Variants in SIK2 observed in about 807,000 individuals in gnomAD.
The protein encoded by SIK2 is serine/threonine-protein kinase SIK2.
SIK2 carries 29 observed loss-of-function variants against 103.2 expected under a neutral mutation model. The ratio of observed to expected loss-of-function variants is 0.28; its 90% CI spans 0.21 to 0.38. SIK2 has a LOEUF of 0.38. Among genes scored for constraint, SIK2 ranks in the 10% least tolerant of loss-of-function variants. SIK2 has a pLI of 1.00. For synonymous variants in SIK2, 412 were observed against 446.1 expected, an observed-to-expected ratio of 0.92 and a Z score of 0.96; for missense variants, 879 against 1,171.0, an observed-to-expected ratio of 0.75 and a Z score of 3.64.
chr11:111,636,563 A>G (rs1196902686), intron 3 of SIK2, among the ~76,000 whole-genome samples: 1 of 152,174 alleles, frequency 6.6e-6, no homozygotes, highest in Admixed American at 6.5e-5. Context: ...TGTTTCAAAG[A>G]CAAATAAGGA....
intron 3 of SIK2, among the ~76,000 whole-genome samples, chr11:111,687,604 A>T (rs188130128): frequency 0.013 from 1,331 of 104,184 alleles, 17 homozygotes; most frequent in African/African-American, 0.033. Flanking sequence ...TGTTTTTTTT[A>T]AAAAAAAAAA....
rs1376262916 is a variant in SIK2, at chr11:111,682,931, A to C, written c.317-5070A>C. Reference sequence around the variant, plus strand: ...TGATTTTTGTAAAATGGCAGTAAAAAATAATGACCAGAAAAGCAAAACTGG... The same window carrying C: ...TGATTTTTGTAAAATGGCAGTAAAACATAATGACCAGAAAAGCAAAACTGG... On this transcript the variant is annotated intron_variant, in intron 3 of 14. Coordinates refer to ENST00000304987, the MANE Select transcript of SIK2 (RefSeq NM_015191.3). 2.0e-5 allele frequency among the ~76,000 whole-genome samples: 3 copies of C among 152,324 alleles called. No individual in the cohort carries two copies. The South Asian group carries it at 6.2e-4, about 32-fold the overall frequency.
chr11:111,610,591 GTCC>G (rs10532521), intron 1 of SIK2, among the ~76,000 whole-genome samples: 89,949 of 150,750 alleles, frequency 0.6, 29,816 homozygotes, highest in East Asian at 0.96. Flanking sequence ...TTAATTCTTT[GTCC>G]TCCTGTATAA....
At chr11:111,692,121 C>G (rs769850338) in intron 4 of SIK2, among the ~76,000 whole-genome samples, 1 of 151,654 alleles carries the variant, frequency 6.6e-6, no homozygotes, top group Non-Finnish European at 1.5e-5. Flanking sequence ...GAGGCCAAGA[C>G]GGGCAGATTG....
At chr11:111,616,405 T>C (rs754440903) in intron 2 of SIK2, 46 bp downstream of exon 2, 18 of 1,048,188 alleles carry the variant, frequency 1.7e-5, no homozygotes, top group Non-Finnish European at 2.6e-5. Flanking sequence ...ACAAGATAGT[T>C]CTCTATTTCG....
rs141223539 is a variant in SIK2, at chr11:111,672,841, A to AT, written c.317-15158dup. 6.5e-3 allele frequency among the ~76,000 whole-genome samples: 991 copies of AT among 152,354 alleles called. 10 individuals are homozygous for AT. The highest frequency in any genetic ancestry group is 0.022 in the African/African-American group (926 of 41,582). ...GTAAGACACTTTCTAAACTCTCTTG[A>AT]TTGGACCACTATTCGTTTAAAATCT... On this transcript the variant is annotated intron_variant, in intron 3 of 14. Transcript: ENST00000304987.
Position 111,602,657 on chromosome 11 carries a change from G to T in SIK2, c.94G>T (p.Ala32Ser). 6.5e-7 allele frequency: 1 copy of T among 1,532,142 alleles called. No individual in the cohort carries two copies. The highest frequency in any genetic ancestry group is 1.2e-5 in the South Asian group (1 of 82,356). 94.9% of individuals were successfully genotyped at this position (1,532,142 alleles called of 1,614,324 possible). The change falls in exon 1 of 15, where the codon GCT becomes TCT. Residue 32 changes from alanine to serine, a missense_variant. By Grantham distance (99) the Ala-to-Ser change is moderately conservative. Transcript: ENST00000304987. This position sits in a 1 kb window ranked among gnomAD's most constrained non-coding sequence, Gnocchi z 4.5. ...IEGTLGKGNF[A>S]VVKLGRHRIT... Reference sequence around the variant, plus strand: ...GGGCACGCTGGGCAAGGGCAACTTCGCTGTGGTGAAGCTGGGGCGGCACCG... The same window carrying T: ...GGGCACGCTGGGCAAGGGCAACTTCTCTGTGGTGAAGCTGGGGCGGCACCG...
At chr11:111,692,006 A>G (rs1404961388) in intron 4 of SIK2, among the ~76,000 whole-genome samples, 1 of 152,172 alleles carries the variant, frequency 6.6e-6, no homozygotes, top group East Asian at 1.9e-4. Context: ...CTAACACTTG[A>G]TTAACAAGAA....
In SIK2 at chr11:111,688,029, T is replaced by C; in HGVS notation, c.345T>C (p.Asn115=). The change falls in exon 4 of 15, where the codon AAT becomes AAC. Residue 115 remains asparagine (N), a synonymous_variant. Coordinates refer to ENST00000304987, the MANE Select transcript of SIK2 (RefSeq NM_015191.3). The surrounding 1 kb of genome is among the most constrained non-coding windows in gnomAD (Gnocchi z 4.2). The part of the protein sequence containing the change: ...FDYLANHGRL[N]ESEARRKFWQ... Reference sequence around the variant, plus strand: ...ATCTTGCTAATCATGGCCGGTTAAATGAGTCTGAAGCCAGGCGAAAATTCT... The same window carrying C: ...ATCTTGCTAATCATGGCCGGTTAAACGAGTCTGAAGCCAGGCGAAAATTCT... 6.2e-7 allele frequency: 1 copy of C among 1,614,220 alleles called. No homozygotes were observed. The highest frequency in any genetic ancestry group is 8.5e-7 in the Non-Finnish European group (1 of 1,180,026).
At chr11:111,723,384 A>G (rs1943863615) in intron 14 of SIK2, 112 bp from the exon 15 acceptor site, 2 of 1,199,322 alleles carry the variant, frequency 1.7e-6, no homozygotes, top group Non-Finnish European at 2.3e-6. Context: ...TTTTGCTGAC[A>G]TGAGAGAGAC....
At chr11:111,709,953 G>A (rs1390956224) in intron 8 of SIK2, among the ~76,000 whole-genome samples, 3 of 152,220 alleles carry the variant, frequency 2.0e-5, no homozygotes, top group Non-Finnish European at 4.4e-5. Context: ...GGACGGAGCA[G>A]TGTGTCGTAG....
chr11:111,709,436 C>T (rs1943438014), intron 8 of SIK2, among the ~76,000 whole-genome samples: 1 of 152,164 alleles, frequency 6.6e-6, no homozygotes, highest in African/African-American at 2.4e-5. Flanking sequence ...GGAATAGCAA[C>T]GATTTTCCCA....
intron 9 of SIK2, among the ~76,000 whole-genome samples, chr11:111,713,968 A>G (rs1328221531): frequency 4.0e-5 from 6 of 151,624 alleles, no homozygotes; most frequent in Non-Finnish European, 5.9e-5. Context: ...CTGCATCTCA[A>G]AAAAAAAATA....
Position 111,723,792 on chromosome 11 carries a change from CCACGCAGCTA to C in SIK2, c.2447_2456del (p.Thr816SerfsTer59), listed in dbSNP as rs1162650424. On this transcript the variant is annotated frameshift_variant, in exon 15 of 15. Coordinates refer to ENST00000304987, the MANE Select transcript of SIK2 (RefSeq NM_015191.3). LOFTEE classifies it high-confidence loss of function. ...GGTCCCCGGGCTGCTCCTCCTCTGC[CCACGCAGCTA>C]CAGCAGCAGCAGCCGCCACCGCCAC... 6.2e-7 allele frequency: 1 copy of C among 1,613,838 alleles called. No homozygotes were observed. Among genetic ancestry groups the C allele is most frequent in the African/African-American group, 1.3e-5 (1 of 74,936 alleles).
At position 111,723,719 on chromosome 11, in the gene SIK2, C is replaced by A. The variant is rs200829896; in HGVS notation, c.2371C>A (p.Leu791Ile). 1.2e-6 allele frequency: 2 copies of A among 1,614,196 alleles called. No individual in the cohort carries two copies. Among genetic ancestry groups the A allele is most frequent in the Non-Finnish European group, 1.7e-6 (2 of 1,180,054 alleles). Residue 791 changes from leucine (L) to isoleucine (I), a missense_variant, in exon 15 of 15, where the codon CTC becomes ATC. Leu to Ile is a conservative substitution (Grantham distance 5). Transcript: ENST00000304987. ...SSEQMQYSPF[L>I]SQYQEMQLQP... ...CGAGCAGATGCAATACAGCCCTTTC[C>A]TCAGCCAGTACCAAGAGATGCAGCT...
At chr11:111,608,756 A>G (rs1941680434) in intron 1 of SIK2, among the ~76,000 whole-genome samples, 1 of 152,180 alleles carries the variant, frequency 6.6e-6, no homozygotes, top group Non-Finnish European at 1.5e-5. Flanking sequence ...TTCAGAGGGC[A>G]TCCCTCTACA....
At chr11:111,683,776 CAT>C (rs1942808446) in intron 3 of SIK2, among the ~76,000 whole-genome samples, 1 of 152,164 alleles carries the variant, frequency 6.6e-6, no homozygotes, top group African/African-American at 2.4e-5. Context: ...TAATGTGAAA[CAT>C]AAATGTGCTT....
At chr11:111,678,683 T>G (rs963130034) in intron 3 of SIK2, among the ~76,000 whole-genome samples, 4 of 152,242 alleles carry the variant, frequency 2.6e-5, no homozygotes, top group Non-Finnish European at 5.9e-5. Context: ...ATTTCACAGT[T>G]AGAATTATAA....
chr11:111,649,509 T>C (rs1460265133), intron 3 of SIK2, among the ~76,000 whole-genome samples: 2 of 152,102 alleles, frequency 1.3e-5, no homozygotes, highest in African/African-American at 4.8e-5. Flanking sequence ...GAAAAGTCAC[T>C]TATTAGGTAC....
Sources: gnomAD v4.1 joint callset for allele counts (sites outside exome capture counted in the v4.1 genomes callset) on GRCh38, gnomAD v4.1.1 for gene constraint, Gnocchi (gnomAD v3.1) non-coding constraint, MANE v1.5 for transcripts, NCBI Gene and HGNC (gene_info 2026-07-23, HGNC 2026-07-21) for gene names.